Variants in SKP1 observed in about 807,000 individuals in gnomAD.
SKP1 encodes the protein S-phase kinase associated protein 1, also known as S-phase kinase-associated protein 1.
SKP1 carries 1 observed loss-of-function variant against 21.5 expected under a neutral mutation model. The observed-to-expected ratio is 0.05, with a 90% CI of 0.02 to 0.22. The LOEUF is 0.22. Among genes scored for constraint, SKP1 ranks in the 10% least tolerant of loss-of-function variants. The pLI, the probability that SKP1 is intolerant of heterozygous loss-of-function variation, is 1.00. For missense variants in SKP1, 70 were observed against 192.0 expected (o/e 0.36, Z 3.76); for synonymous variants, 59 against 59.3 (o/e 0.99, Z 0.03).
rs1258326552 is a variant in SKP1 at position 134,150,089 on chromosome 5, G to A, written c.*7644C>T. 6.6e-6 allele frequency: 1 copy of A among 152,184 alleles called. No homozygotes were observed. The highest frequency in any genetic ancestry group is 1.5e-5 in the Non-Finnish European group (1 of 68,086). 9.4% of individuals were successfully genotyped at this position (152,184 alleles called of 1,614,324 possible). A position where few individuals can be genotyped will look rare whatever the true frequency, so the allele number is the denominator to read the frequency against. ...CAACTAGCAGACTGGCAACTTGGGTGAAAGACGTTCATCCCTCCCCTGGTA... is the reference window on the plus strand; with the variant it reads ...CAACTAGCAGACTGGCAACTTGGGTAAAAGACGTTCATCCCTCCCCTGGTA... On this transcript the variant is annotated 3_prime_UTR_variant, in exon 6 of 6. Coordinates refer to ENST00000353411, the MANE Select transcript of SKP1 (RefSeq NM_170679.3).
At position 134,151,327 on chromosome 5, in the gene SKP1, A is replaced by AT. The variant is rs763120751; in HGVS notation, c.*6405_*6406insA. On this transcript the variant is annotated 3_prime_UTR_variant, in exon 6 of 6. Coordinates refer to ENST00000353411, the MANE Select transcript of SKP1 (RefSeq NM_170679.3). Reference sequence around the variant, plus strand: ...CAAAAATAAATAAATAAATAAATAAAAATTTTTACAAAGCCACTCTGGAAA... The same window carrying AT: ...CAAAAATAAATAAATAAATAAATAAATAATTTTTACAAAGCCACTCTGGAAA... 1.3e-5 allele frequency: 2 copies of AT among 152,762 alleles called. No individual in the cohort carries two copies. The highest frequency in any genetic ancestry group is 1.5e-5 in the Non-Finnish European group (1 of 68,458). The allele number at this position is 152,762 out of a possible 1,614,324, so 9.5% of individuals were successfully genotyped here.
At chr5:134,175,860 G>C (rs1053048266) in intron 1 of SKP1, among the ~76,000 whole-genome samples, 5 of 152,160 alleles carry the variant, frequency 3.3e-5, no homozygotes, top group African/African-American at 9.7e-5. Flanking sequence ...TCTAAAGAAA[G>C]AGGCCTAAAG....
chr5:134,162,575 T>A lies in SKP1; in HGVS notation c.172-1445A>T, dbSNP rs570388726. Among the ~76,000 whole-genome samples, 256 of 152,196 alleles carry A rather than the reference T, an allele frequency of 1.7e-3. 2 individuals are homozygous for A. Among genetic ancestry groups the A allele is most frequent in the African/African-American group, 6.1e-3 (253 of 41,514 alleles). ...TGCCTGCCACAACACCCAGCTAATT[T>A]TTTTTTATTTTTAGTTGGCCAGGCT... is the stretch of plus-strand genomic sequence containing the variant. On this transcript the variant is annotated intron_variant, in intron 3 of 5. Transcript: ENST00000353411.
intron 2 of SKP1, chr5:134,171,097 A>G (rs1761431370): frequency 2.2e-6 from 1 of 448,220 alleles, no homozygotes; most frequent in Admixed American, 2.5e-5. Flanking sequence ...TTACCAGAAT[A>G]CAGGACTTTA....
At chr5:134,165,977 G>C (rs1278076943) in intron 3 of SKP1, among the ~76,000 whole-genome samples, 3 of 151,956 alleles carry the variant, frequency 2.0e-5, no homozygotes, top group Non-Finnish European at 2.9e-5. Flanking sequence ...GAGATCGTCT[G>C]AGGTCAGGAG....
Position 134,169,665 on chromosome 5 carries a change from G to T in SKP1, c.98-2422C>A, listed in dbSNP as rs1006619027. On this transcript the variant is annotated intron_variant, in intron 2 of 5. Transcript: ENST00000353411. ...AGATCACCTGAGGTCAGGAGTTCAAGACCAGCCTGGCTAACATGGTGAAAC... is the reference window on the plus strand; with the variant it reads ...AGATCACCTGAGGTCAGGAGTTCAATACCAGCCTGGCTAACATGGTGAAAC... Among the ~76,000 whole-genome samples the T allele has an allele frequency of 7.9e-5, 12 of 151,964 alleles. 1 individual carries two copies. Among genetic ancestry groups the T allele is most frequent in the Non-Finnish European group, 1.5e-5 (1 of 67,972 alleles).
In SKP1 at chr5:134,167,113, T is replaced by TA. The variant is rs1761347185; in HGVS notation, c.171+56dup. The TA allele has an allele frequency of 1.8e-5, 15 of 815,678 alleles. 1 individual carries two copies. The South Asian group carries it at 2.4e-4, about 13-fold the overall frequency. 50.5% of individuals were successfully genotyped at this position (815,678 alleles called of 1,614,324 possible). ...ACATAGATTGTTGAATTACTTGTAT[T>TA]AATCAATTGGTGTTATATATTAAGC... On this transcript the variant is annotated intron_variant, in intron 3 of 5. Transcript: ENST00000353411.
intron 2 of SKP1, 42 bp from the exon 3 acceptor site, chr5:134,167,285 A>G (rs770435669): frequency 2.7e-5 from 33 of 1,214,342 alleles, no homozygotes; most frequent in Admixed American, 5.1e-5. Flanking sequence ...TAATTCCATT[A>G]TAATACTTAT....
At chr5:134,163,646 C>G (rs936507677) in intron 3 of SKP1, among the ~76,000 whole-genome samples, 1 of 151,784 alleles carries the variant, frequency 6.6e-6, no homozygotes, top group Non-Finnish European at 1.5e-5. Flanking sequence ...AAAAATTTGC[C>G]AAGTGTGGTG....
In SKP1 at chr5:134,156,243, G is replaced by A. The variant is rs1337539918; in HGVS notation, c.*1490C>T. On this transcript the variant is annotated 3_prime_UTR_variant, in exon 6 of 6. Coordinates refer to ENST00000353411, the MANE Select transcript of SKP1 (RefSeq NM_170679.3). ...AACAGAAAACAAGCTTATCTCCTGA[G>A]AGAGAGAGAGAGAGAGAGAGAGAAT... 2.3e-5 allele frequency: 3 copies of A among 130,296 alleles called. No individual in the cohort carries two copies. The highest frequency in any genetic ancestry group is 1.2e-4 in the African/African-American group (3 of 24,424). The allele number at this position is 130,296 out of a possible 1,614,324, so 8.1% of individuals were successfully genotyped here. A position where few individuals can be genotyped will look rare whatever the true frequency, so the allele number is the denominator to read the frequency against.
chr5:134,172,506 T>A (rs774606434), intron 2 of SKP1, among the ~76,000 whole-genome samples: 1 of 151,832 alleles, frequency 6.6e-6, no homozygotes, highest in Non-Finnish European at 1.5e-5. Flanking sequence ...CACTTCCTTA[T>A]GCTGCATATA....
intron 3 of SKP1, among the ~76,000 whole-genome samples, chr5:134,166,553 C>T (rs989841743): frequency 1.5e-5 from 2 of 129,370 alleles, no homozygotes; most frequent in Non-Finnish European, 3.1e-5. Context: ...TACCCTCCAA[C>T]CTGGCGACAG....
chr5:134,158,444 G>A lies in SKP1; in HGVS notation c.456+11C>T, dbSNP rs371479678. ...AGCATGTGATCAAAGACAAAACTGT[G>A]TGCTACCTACCTGGGCTTCCTCCTC... On this transcript the variant is annotated intron_variant, in intron 5 of 5. Coordinates refer to ENST00000353411, the MANE Select transcript of SKP1 (RefSeq NM_170679.3). The A allele has an allele frequency of 3.3e-5, 54 of 1,613,896 alleles. No individual in the cohort carries two copies. The highest frequency in any genetic ancestry group is 4.3e-5 in the Non-Finnish European group (51 of 1,179,970).
intron 3 of SKP1, among the ~76,000 whole-genome samples, chr5:134,166,580 C>CAAAAAAA (rs36106913): frequency 1.9e-5 from 1 of 52,526 alleles, no homozygotes; most frequent in Non-Finnish European, 3.1e-5. Flanking sequence ...ACTCTGGTCT[C>CAAAAAAA]AAAAAAAAAA....
chr5:134,157,804 G>A (rs756735585), intron 5 of SKP1, 36 bp from the exon 6 acceptor site: 2 of 1,611,428 alleles, frequency 1.2e-6, no homozygotes. Context: ...ACCTTAACTT[G>A]AGTAGTCTTT....
rs553375693 is a variant in SKP1, at chr5:134,159,578, C to T, written c.316-983G>A. ...TTTTTTTTTTTTTGAGACGAAGTCT[C>T]GCTCTGTCACCCAGGCTGGAGGGCA... On this transcript the variant is annotated intron_variant, in intron 4 of 5. Transcript: ENST00000353411. Among the ~76,000 whole-genome samples, 21 of 150,228 alleles carry T rather than the reference C, an allele frequency of 1.4e-4. No individual in the cohort carries two copies. The South Asian group carries it at 4.4e-3, about 32-fold the overall frequency.
intron 1 of SKP1, 85 bp from the exon 2 acceptor site, chr5:134,174,107 T>C: frequency 1.2e-6 from 1 of 824,098 alleles, no homozygotes; most frequent in Non-Finnish European, 2.1e-6. Context: ...CAGAAGGCTC[T>C]AACTTATTGA....
At chr5:134,157,854 C>A (rs1028360885) in intron 5 of SKP1, 86 bp from the exon 6 acceptor site, 5 of 1,609,810 alleles carry the variant, frequency 3.1e-6, no homozygotes, top group Non-Finnish European at 4.2e-6. Flanking sequence ...TCATCGATAG[C>A]CAGTGAGTTG....
At position 134,151,512 on chromosome 5, in the gene SKP1, C is replaced by A; in HGVS notation, c.*6221G>T. 3.2e-6 allele frequency: 1 copy of A among 314,388 alleles called. No individual in the cohort carries two copies. Among genetic ancestry groups the A allele is most frequent in the Non-Finnish European group, 6.5e-6 (1 of 154,188 alleles). 19.5% of individuals were successfully genotyped at this position (314,388 alleles called of 1,614,324 possible). A position where few individuals can be genotyped will look rare whatever the true frequency, so the allele number is the denominator to read the frequency against. ...AGAAAGGACAAATAAGAATTTTCACCAGATAGGTGGGAGGTATTCAAAGTG... is the reference window on the plus strand; with the variant it reads ...AGAAAGGACAAATAAGAATTTTCACAAGATAGGTGGGAGGTATTCAAAGTG... On this transcript the variant is annotated 3_prime_UTR_variant, in exon 6 of 6. Transcript: ENST00000353411.
Sources: gnomAD v4.1 joint callset for allele counts (sites outside exome capture counted in the v4.1 genomes callset) on GRCh38, gnomAD v4.1.1 for gene constraint, MANE v1.5 for transcripts, NCBI Gene and HGNC (gene_info 2026-07-23, HGNC 2026-07-21) for gene names.